The following ADAM20 variants were observed in gnomAD, a reference collection of about 807,000 sequenced individuals.
The protein encoded by ADAM20 is ADAM metallopeptidase domain 20, also known as disintegrin and metalloproteinase domain-containing protein 20.
For synonymous variants in ADAM20, 305 were observed against 310.2 expected, an observed-to-expected ratio of 0.98 and a Z score of 0.18; for missense variants, 871 against 883.2, an observed-to-expected ratio of 0.99 and a Z score of 0.18.
At position 70,523,249 on chromosome 14, in the gene ADAM20, G is replaced by A; in HGVS notation, c.1509C>T (p.Cys503=). The change falls in exon 2 of 2, where the codon TGC becomes TGT. Residue 503 remains cysteine, a synonymous_variant. Transcript: ENST00000256389. The stretch of plus-strand genomic sequence containing the variant: ...CATGGTTATTACACGTCTTTTCATA[G>A]CAGAAGGCATTCACATTACAGGAGA... ...DGISCNVNAF[C]YEKTCNNHDI... 6.2e-7 allele frequency: 1 copy of A among 1,613,932 alleles called. No individual in the cohort carries two copies. Among genetic ancestry groups the A allele is most frequent in the South Asian group, 1.1e-5 (1 of 91,076 alleles).
intron 1 of ADAM20, among the ~76,000 whole-genome samples, chr14:70,525,517 G>A (rs1052696786): frequency 1.1e-4 from 16 of 152,118 alleles, no homozygotes; most frequent in African/African-American, 2.9e-4. Flanking sequence ...CTGTCATACC[G>A]AGCAAAATTG....
upstream of ADAM20, among the ~76,000 whole-genome samples, chr14:70,535,800 T>C (rs1883819394): frequency 6.6e-6 from 1 of 151,920 alleles, no homozygotes; most frequent in Non-Finnish European, 1.5e-5. Context: ...ACCATACTAA[T>C]AACAGAAATG....
chr14:70,523,794 T>C lies in ADAM20; in HGVS notation c.964A>G (p.Asn322Asp). The C allele has an allele frequency of 6.2e-7, 1 of 1,614,090 alleles. No individual in the cohort carries two copies. Among genetic ancestry groups the C allele is most frequent in the Non-Finnish European group, 8.5e-7 (1 of 1,179,986 alleles). ...YVKGICQNPFNTGVDVFEDNR... is the reference protein window; with the variant it reads ...YVKGICQNPFDTGVDVFEDNR... ...TCTTCAAAAACATCAACTCCAGTAT[T>C]AAAAGGATTCTGGCATATTCCTTTA... Residue 322 changes from asparagine to aspartate, a missense_variant, in exon 2 of 2, where the codon AAT (asparagine) becomes GAT (aspartate). Coordinates refer to ENST00000256389, the MANE Select transcript of ADAM20 (RefSeq NM_003814.5).
chr14:70,547,459 A>C, the ADAM20 span: 1 of 139,916 alleles, frequency 7.1e-6, no homozygotes, highest in Non-Finnish European at 1.5e-5. Context: ...ACCGTGCGCG[A>C]GCCGAAGCAG....
the ADAM20 span, among the ~76,000 whole-genome samples, chr14:70,576,690 G>A: frequency 6.6e-6 from 1 of 152,192 alleles, no homozygotes; most frequent in African/African-American, 2.4e-5. Flanking sequence ...CAGGGTAACA[G>A]AAGGAGGTCA....
the ADAM20 span, among the ~76,000 whole-genome samples, chr14:70,550,006 C>A: frequency 2.0e-5 from 1 of 50,834 alleles, no homozygotes; most frequent in Non-Finnish European, 3.5e-5. Flanking sequence ...AAATCTCACT[C>A]AAAGCCACTC....
At position 70,523,803 on chromosome 14, in the gene ADAM20, T is replaced by G; in HGVS notation, c.955A>C (p.Asn319His). The G allele has an allele frequency of 6.2e-7, 1 of 1,614,082 alleles. No homozygotes were observed. Among genetic ancestry groups the G allele is most frequent in the Non-Finnish European group, 8.5e-7 (1 of 1,179,984 alleles). Reference protein sequence around the residue: ...GVAYVKGICQNPFNTGVDVFE... With the variant: ...GVAYVKGICQHPFNTGVDVFE... ...ACATCAACTCCAGTATTAAAAGGAT[T>G]CTGGCATATTCCTTTAACATAGGCA... The change falls in exon 2 of 2, where the codon AAT becomes CAT. Residue 319 changes from asparagine to histidine, a missense_variant. Physicochemically the swap from Asn to His is moderately conservative, Grantham distance 68 (BLOSUM62 1). Coordinates refer to ENST00000256389, the MANE Select transcript of ADAM20 (RefSeq NM_003814.5).
chr14:70,555,763 C>T, the ADAM20 span, among the ~76,000 whole-genome samples: 3 of 152,164 alleles, frequency 2.0e-5, no homozygotes, highest in Non-Finnish European at 4.4e-5. Context: ...CTCAGTGCAA[C>T]TTTTTCTGCT....
In ADAM20 at chr14:70,522,610, T is replaced by A. The variant is rs1371749609; in HGVS notation, c.2148A>T (p.Lys716Asn). Reference protein sequence around the residue: ...LLFCLHVLFKKRTKSKEDEEG With the variant: ...LLFCLHVLFKNRTKSKEDEEG ...CTTCATCTTCTTTACTTTTTGTGCG[T>A]TTCTTAAAAAGCACATGTAAGCAAA... Residue 716 changes from lysine to asparagine, a missense_variant, in exon 2 of 2, where the codon AAA (lysine) becomes AAT (asparagine). Physicochemically the swap from Lys to Asn is moderately conservative, Grantham distance 94 (BLOSUM62 0). Transcript: ENST00000256389. 1 of 1,612,066 alleles carries A rather than the reference T, an allele frequency of 6.2e-7. No homozygotes were observed.
the ADAM20 span, among the ~76,000 whole-genome samples, chr14:70,546,533 C>G: frequency 2.6e-5 from 4 of 152,066 alleles, no homozygotes; most frequent in African/African-American, 9.6e-5. Flanking sequence ...TTCTGACAAC[C>G]CTTTCTAAAG....
At chr14:70,542,935 T>C in the ADAM20 span, among the ~76,000 whole-genome samples, 1 of 149,202 alleles carries the variant, frequency 6.7e-6, no homozygotes, top group Non-Finnish European at 1.5e-5. Context: ...CAAGACTCCA[T>C]CTCAAAAAAA....
At chr14:70,529,967 C>A (rs1198068843) in intron 1 of ADAM20, among the ~76,000 whole-genome samples, 2 of 152,092 alleles carry the variant, frequency 1.3e-5, no homozygotes, top group East Asian at 3.9e-4. Flanking sequence ...AAACATAAAA[C>A]ATTGTACAGC....
chr14:70,564,873 C>T, the ADAM20 span, among the ~76,000 whole-genome samples: 14 of 149,288 alleles, frequency 9.4e-5, no homozygotes, highest in African/African-American at 3.5e-4. Context: ...ACAGCAAGAC[C>T]CCTTGTATAA....
chr14:70,533,292 C>T (rs1384009682), intron 1 of ADAM20, among the ~76,000 whole-genome samples: 1 of 152,188 alleles, frequency 6.6e-6, no homozygotes, highest in Non-Finnish European at 1.5e-5. Context: ...TATAAAGACA[C>T]ATGCACACGT....
In ADAM20 at chr14:70,523,570, T is replaced by C; in HGVS notation, c.1188A>G (p.Gln396=). The stretch of plus-strand genomic sequence containing the variant: ...ATATATTCCCTGGATATGGAGGCGG[T>C]TGAATACATAATCCACTACTGATAG... ...DSTISSGLCI[Q]PPPYPGNIFR... is the part of the protein sequence containing the mutation. Residue 396 remains glutamine (Q), a synonymous_variant, in exon 2 of 2, where the codon CAA becomes CAG. Transcript: ENST00000256389. 1.9e-6 allele frequency: 3 copies of C among 1,614,092 alleles called. No homozygotes were observed. Among genetic ancestry groups the C allele is most frequent in the African/African-American group, 1.3e-5 (1 of 75,050 alleles).
chr14:70,555,206 G>A, the ADAM20 span, among the ~76,000 whole-genome samples: 2 of 152,030 alleles, frequency 1.3e-5, no homozygotes, highest in Admixed American at 1.3e-4. Context: ...TATGACTATC[G>A]TTAACAGTAT....
the ADAM20 span, among the ~76,000 whole-genome samples, chr14:70,577,801 A>T: frequency 6.6e-6 from 1 of 152,184 alleles, no homozygotes; most frequent in Admixed American, 6.6e-5. Context: ...TTTTCAACAA[A>T]TGGAGTTGGG....
At chr14:70,574,330 T>A in the ADAM20 span, among the ~76,000 whole-genome samples, 1 of 152,080 alleles carries the variant, frequency 6.6e-6, no homozygotes, top group Admixed American at 6.6e-5. Flanking sequence ...AAGGGGAAAT[T>A]TTATAGCAAT....
At chr14:70,561,942 T>C in the ADAM20 span, among the ~76,000 whole-genome samples, 2 of 152,240 alleles carry the variant, frequency 1.3e-5, no homozygotes, top group Non-Finnish European at 2.9e-5. Context: ...AGGGGAAATG[T>C]GGGATTGGAG....
Sources: allele counts gnomAD v4.1 joint callset (sites outside exome capture counted in the v4.1 genomes callset), GRCh38; gene constraint gnomAD v4.1.1; transcripts MANE v1.5; gene names NCBI Gene and HGNC (gene_info 2026-07-23, HGNC 2026-07-21).